Variants in NEK10 observed in about 807,000 individuals in gnomAD.
NEK10 encodes the protein NIMA related kinase 10.
In NEK10, 122 loss-of-function variants were observed where a neutral mutation model predicts 159.8. That is an observed-to-expected ratio of 0.76 (90% confidence interval 0.66 to 0.89). The LOEUF is 0.89. Ranked by LOEUF, NEK10 falls within the 40% of genes least tolerant of loss-of-function variation. NEK10 has a pLI of 0.00. For synonymous variants in NEK10, 466 were observed against 457.1 expected (o/e 1.02, Z -0.25); for missense variants, 1,342 against 1,323.1 (o/e 1.01, Z -0.22).
chr3:27,114,925 A>G (rs1217818013), intron 35 of NEK10, among the ~76,000 whole-genome samples: 1 of 152,112 alleles, frequency 6.6e-6, no homozygotes, highest in Non-Finnish European at 1.5e-5. Flanking sequence ...CATTGTAAAC[A>G]CCCATACCCC....
intron 23 of NEK10, among the ~76,000 whole-genome samples, chr3:27,212,095 TG>T (rs1267832391): frequency 6.6e-6 from 1 of 152,254 alleles, no homozygotes; most frequent in Non-Finnish European, 1.5e-5. Flanking sequence ...AGATTACATT[TG>T]TTTTTCAGTG....
intron 23 of NEK10, among the ~76,000 whole-genome samples, chr3:27,244,807 C>A (rs1437481237): frequency 6.6e-6 from 1 of 152,154 alleles, no homozygotes; most frequent in Non-Finnish European, 1.5e-5. Flanking sequence ...GGCAGCTGGA[C>A]TCCCACTATG....
chr3:27,225,893 G>GA (rs1421559567), intron 23 of NEK10, among the ~76,000 whole-genome samples: 2 of 152,156 alleles, frequency 1.3e-5, no homozygotes, highest in African/African-American at 2.4e-5. Context: ...CTTGCTTAAG[G>GA]AAAAGATATT....
Position 27,284,655 on chromosome 3 carries a change from C to G in NEK10, c.1961G>C (p.Arg654Thr). The G allele has an allele frequency of 6.2e-7, 1 of 1,610,410 alleles. No individual in the cohort carries two copies. The highest frequency in any genetic ancestry group is 8.5e-7 in the Non-Finnish European group (1 of 1,176,738). ...YLHKEKRIVH[R>T]DLTPNNIMLG... ...CATAATGTTGTTTGGTGTCAGATCT[C>G]TATGGACAATCCTCTTCTCCTTGTG... The change falls in exon 22 of 36, where the codon AGA becomes ACA. Residue 654 changes from arginine to threonine, a missense_variant. Arg to Thr is a moderately conservative substitution (Grantham distance 71). Transcript: ENST00000691995.
At chr3:27,111,507 G>A (rs961547143) in intron 35 of NEK10, among the ~76,000 whole-genome samples, 187 bp from the exon 36 acceptor site, 2 of 152,114 alleles carry the variant, frequency 1.3e-5, no homozygotes, top group African/African-American at 4.8e-5. Context: ...TGCTAACAAG[G>A]CCTTTCTCAA....
At chr3:27,201,412 T>C in intron 25 of NEK10, 98 bp downstream of exon 25, 2 of 1,039,376 alleles carry the variant, frequency 1.9e-6, no homozygotes, top group Non-Finnish European at 2.9e-6. Context: ...GTAGGGACTC[T>C]TTCTCTTCAT....
At chr3:27,132,069 G>A in intron 31 of NEK10, 79 bp from the exon 32 acceptor site, 1 of 725,980 alleles carries the variant, frequency 1.4e-6, no homozygotes, top group Non-Finnish European at 2.3e-6. Flanking sequence ...TTCGCTGAGG[G>A]CCCATGTAAC....
rs1575771972 is a variant in NEK10, at chr3:27,329,588, T to C, written c.363-7327A>G. On this transcript the variant is annotated intron_variant, in intron 5 of 35. Coordinates refer to ENST00000691995, the MANE Select transcript of NEK10 (RefSeq NM_001394966.1). ...CCTGTAGCCAAGGAACAACCAGTTC[T>C]TTCCTGGGAAGGTAGGAACATTTTC... 3.3e-5 allele frequency among the ~76,000 whole-genome samples: 5 copies of C among 152,304 alleles called. No individual in the cohort carries two copies. The South Asian group carries it at 1.0e-3, about 32-fold the overall frequency.
chr3:27,115,254 T>G (rs193191488), intron 35 of NEK10, among the ~76,000 whole-genome samples: 1 of 152,190 alleles, frequency 6.6e-6, no homozygotes, highest in African/African-American at 2.4e-5. Context: ...CAATGCTAAT[T>G]TGCTTGATTA....
At chr3:27,121,057 T>C (rs1017993659) in intron 32 of NEK10, among the ~76,000 whole-genome samples, 1 of 152,148 alleles carries the variant, frequency 6.6e-6, no homozygotes. Flanking sequence ...GCCTACCCTA[T>C]GACCCAGCAA....
chr3:27,268,416 C>T (rs941497310), intron 22 of NEK10, among the ~76,000 whole-genome samples: 10 of 152,194 alleles, frequency 6.6e-5, no homozygotes, highest in African/African-American at 2.4e-4. Flanking sequence ...CAGGCTGGCT[C>T]TCTTATTAAG....
rs1042208501 is a variant in NEK10, at chr3:27,220,916, A to G, written c.2091-18359T>C. Reference sequence around the variant, plus strand: ...TTGACAATAATGACAAGAAAATTCAATAGGAAAAGAAGTTATTTCAACAAA... The same window carrying G: ...TTGACAATAATGACAAGAAAATTCAGTAGGAAAAGAAGTTATTTCAACAAA... On this transcript the variant is annotated intron_variant, in intron 23 of 35. Transcript: ENST00000691995. Among the ~76,000 whole-genome samples the G allele has an allele frequency of 3.3e-5, 5 of 152,224 alleles. No homozygotes were observed. The East Asian group carries it at 9.6e-4, about 29-fold the overall frequency.
chr3:27,248,182 T>C (rs1231975760), intron 23 of NEK10, among the ~76,000 whole-genome samples: 1 of 152,302 alleles, frequency 6.6e-6, no homozygotes, highest in African/African-American at 2.4e-5. Context: ...CCACTAATTA[T>C]TCTTTGAATT....
intron 30 of NEK10, among the ~76,000 whole-genome samples, chr3:27,161,226 T>C (rs1431490277): frequency 6.6e-6 from 1 of 152,198 alleles, no homozygotes; most frequent in Non-Finnish European, 1.5e-5. Context: ...TTAATAACAA[T>C]CATCTTAATT....
chr3:27,248,426 C>T (rs1054790774), intron 23 of NEK10, among the ~76,000 whole-genome samples: 2 of 151,950 alleles, frequency 1.3e-5, no homozygotes, highest in Non-Finnish European at 2.9e-5. Context: ...TTTGGCTTCT[C>T]TAGTTCTCTC....
chr3:27,319,705 G>A (rs1414956945), intron 6 of NEK10, among the ~76,000 whole-genome samples: 5 of 151,884 alleles, frequency 3.3e-5, no homozygotes, highest in African/African-American at 9.7e-5. Flanking sequence ...CCTTGGCCAG[G>A]AAGAGGAATA....
chr3:27,278,788 G>T, intron 22 of NEK10: 5 of 985,328 alleles, frequency 5.1e-6, no homozygotes, highest in Non-Finnish European at 6.0e-6. Flanking sequence ...GTGGGTTCAA[G>T]GGTAAGTTCA....
chr3:27,272,488 G>A (rs1181652992), intron 22 of NEK10, among the ~76,000 whole-genome samples: 2 of 152,174 alleles, frequency 1.3e-5, no homozygotes, highest in African/African-American at 4.8e-5. Context: ...GCAAAAAAGG[G>A]GATGCACTTC....
chr3:27,233,071 A>C (rs564265553), intron 23 of NEK10, among the ~76,000 whole-genome samples: 8 of 152,304 alleles, frequency 5.3e-5, no homozygotes, highest in Admixed American at 5.2e-4. Context: ...TCTGCACAGC[A>C]ATATAAATAA....
Sources: gnomAD v4.1 joint callset for allele counts (sites outside exome capture counted in the v4.1 genomes callset) on GRCh38, gnomAD v4.1.1 for gene constraint, MANE v1.5 for transcripts, NCBI Gene and HGNC (gene_info 2026-07-23, HGNC 2026-07-21) for gene names.